KLHL4: variants seen among roughly 807,000 people sequenced by gnomAD.
The protein encoded by KLHL4 is kelch-like protein 4.
In KLHL4, 17 loss-of-function variants were observed where a neutral mutation model predicts 45.8. The observed-to-expected ratio is 0.37, with a 90% CI of 0.25 to 0.56. The LOEUF is 0.56. Among genes scored for constraint, KLHL4 ranks in the 20% least tolerant of loss-of-function variants. KLHL4 has a pLI of 0.79. For missense variants in KLHL4, 544 were observed against 544.9 expected, an observed-to-expected ratio of 1.00 and a Z score of 0.02; for synonymous variants, 224 against 189.9, an observed-to-expected ratio of 1.18 and a Z score of -1.47.
chrX:87,558,268 C>A (rs948964682), intron 1 of KLHL4, among the ~76,000 whole-genome samples: 10 of 111,192 alleles, frequency 9.0e-5, no homozygotes, highest in African/African-American at 3.3e-4. Context: ...TGTTTAACCT[C>A]TTTAAGCCTC....
chrX:87,610,060 T>C (rs931326644), intron 1 of KLHL4, among the ~76,000 whole-genome samples: 12 of 111,712 alleles, frequency 1.1e-4, no homozygotes, highest in Non-Finnish European at 2.3e-4. Flanking sequence ...GCTTGCTTTC[T>C]CAGTTTTCTC....
chrX:87,649,719 C>A (rs756065265), intron 9 of KLHL4, among the ~76,000 whole-genome samples: 2 of 111,186 alleles, frequency 1.8e-5, no homozygotes, highest in Admixed American at 9.6e-5. Flanking sequence ...CAACTTTATT[C>A]TTTTGCATGT....
intron 1 of KLHL4, among the ~76,000 whole-genome samples, chrX:87,534,066 T>A (rs714537): frequency 0.24 from 26,061 of 110,527 alleles, 2,405 homozygotes; most frequent in Non-Finnish European, 0.29. Context: ...GGTTAAATAC[T>A]CAGCAGGAAT....
rs185707564 is a variant in KLHL4, at chrX:87,524,135, C to T, written c.422+5820C>T. 4.8e-4 allele frequency among the ~76,000 whole-genome samples: 53 copies of T among 110,320 alleles called. No individual in the cohort carries two copies. The East Asian group carries it at 6.0e-3, about 12-fold the overall frequency. The stretch of plus-strand genomic sequence containing the variant: ...TGACTTCTTTCCAAAGGGTCGAGTA[C>T]GGTATGAAAGAAGGGCAGGAAAGTG... On this transcript the variant is annotated intron_variant, in intron 1 of 10. Transcript: ENST00000373119.
chrX:87,626,401 C>T (rs1485301674), intron 6 of KLHL4, among the ~76,000 whole-genome samples: 1 of 110,458 alleles, frequency 9.1e-6, no homozygotes. Flanking sequence ...TCACTTATGC[C>T]TTAGTCTGGC....
chrX:87,610,754 A>C (rs1394109461), intron 1 of KLHL4, among the ~76,000 whole-genome samples: 1 of 111,828 alleles, frequency 8.9e-6, no homozygotes, highest in African/African-American at 3.2e-5. Flanking sequence ...TGAGCAGTGT[A>C]AATGAAAAAG....
intron 1 of KLHL4, among the ~76,000 whole-genome samples, chrX:87,529,426 A>T (rs1444256161): frequency 8.9e-6 from 1 of 111,735 alleles, no homozygotes; most frequent in Non-Finnish European, 1.9e-5. Flanking sequence ...GTTTTAGTAT[A>T]CTCAAATTGA....
In KLHL4 at chrX:87,607,785, T is replaced by C. The variant is rs147451100; in HGVS notation, c.423-6092T>C. ...TTGCTCCTCATTCTTTTTATAATCT[T>C]TAAATGTAGAAGTCACCAGAGATGA... On this transcript the variant is annotated intron_variant, in intron 1 of 10. Transcript: ENST00000373119. Among the ~76,000 whole-genome samples, 46 of 111,655 alleles carry C rather than the reference T, an allele frequency of 4.1e-4. No individual in the cohort carries two copies. The East Asian group carries it at 0.013, about 32-fold the overall frequency.
At chrX:87,643,705 A>G (rs1237687995) in intron 9 of KLHL4, among the ~76,000 whole-genome samples, 3 of 112,070 alleles carry the variant, frequency 2.7e-5, no homozygotes, top group African/African-American at 6.5e-5. Context: ...ATAATACACC[A>G]TGATCAAGTT....
At chrX:87,665,909 G>A (rs1182199275) in intron 10 of KLHL4, among the ~76,000 whole-genome samples, 1 of 111,512 alleles carries the variant, frequency 9.0e-6, no homozygotes, top group African/African-American at 3.3e-5. Flanking sequence ...GGTAGCTGCT[G>A]TTTTGTCAAT....
chrX:87,623,292 T>TTC (rs1180673208), intron 5 of KLHL4, among the ~76,000 whole-genome samples: 2 of 83,607 alleles, frequency 2.4e-5, no homozygotes, highest in African/African-American at 9.1e-5. Context: ...TTTTTTCTTT[T>TTC]TTTTTTTTTT....
At chrX:87,651,830 G>A (rs1419368815) in intron 9 of KLHL4, among the ~76,000 whole-genome samples, 1 of 112,089 alleles carries the variant, frequency 8.9e-6, no homozygotes, top group Admixed American at 9.4e-5. Flanking sequence ...AAGGACAGTG[G>A]CCCTATTCTC....
At chrX:87,640,116 T>G (rs1923403742) in intron 9 of KLHL4, among the ~76,000 whole-genome samples, 1 of 110,416 alleles carries the variant, frequency 9.1e-6, no homozygotes, top group African/African-American at 3.3e-5. Context: ...TTCCTAGAAA[T>G]ATACAACCAT....
intron 1 of KLHL4, among the ~76,000 whole-genome samples, chrX:87,610,920 A>G (rs908530872): frequency 1.8e-5 from 2 of 110,239 alleles, no homozygotes; most frequent in Non-Finnish European, 3.8e-5. Flanking sequence ...CTAAAAATAC[A>G]AAGATTAGCC....
In KLHL4 at chrX:87,668,600, G is replaced by C. The variant is rs1399987621; in HGVS notation, c.*2066G>C. The stretch of plus-strand genomic sequence containing the variant: ...CAGTACTGAGAGGCAGGGCCCTTAA[G>C]AGGTGATTGGGCCATGAGGTCTGTG... On this transcript the variant is annotated 3_prime_UTR_variant, in exon 11 of 11. Transcript: ENST00000373119. The C allele has an allele frequency of 2.8e-6, 1 of 356,171 alleles. No homozygotes were observed. Among genetic ancestry groups the C allele is most frequent in the Non-Finnish European group, 3.6e-6 (1 of 277,557 alleles). The allele number at this position is 356,171 out of a possible 1,213,427, so 29.4% of individuals were successfully genotyped here. A position where few individuals can be genotyped will look rare whatever the true frequency, so the allele number is the denominator to read the frequency against.
At chrX:87,663,423 C>T (rs1232345320) in intron 9 of KLHL4, among the ~76,000 whole-genome samples, 1 of 112,279 alleles carries the variant, frequency 8.9e-6, no homozygotes, top group Non-Finnish European at 1.9e-5. Flanking sequence ...AGTTTTTCTT[C>T]AAAAGAGTCA....
chrX:87,649,337 GT>G (rs1355099246), intron 9 of KLHL4, among the ~76,000 whole-genome samples: 1 of 111,506 alleles, frequency 9.0e-6, no homozygotes, highest in Non-Finnish European at 1.9e-5. Context: ...CAAGGTTTAT[GT>G]AATAATATGT....
At chrX:87,543,371 C>T (rs1007910699) in intron 1 of KLHL4, among the ~76,000 whole-genome samples, 2 of 111,066 alleles carry the variant, frequency 1.8e-5, no homozygotes, top group Admixed American at 1.9e-4. Context: ...CTATATACAC[C>T]CAAAAAACAC....
chrX:87,518,667 C>A (rs1386202045), intron 1 of KLHL4, among the ~76,000 whole-genome samples: 1 of 111,817 alleles, frequency 8.9e-6, no homozygotes, highest in African/African-American at 3.2e-5. Flanking sequence ...TGTTATGAAT[C>A]ACGGAGAACT....
Sources: gnomAD v4.1 joint callset for allele counts (sites outside exome capture counted in the v4.1 genomes callset) on GRCh38, gnomAD v4.1.1 for gene constraint, MANE v1.5 for transcripts, NCBI Gene and HGNC (gene_info 2026-07-23, HGNC 2026-07-21) for gene names.